Variants in PALM2AKAP2 observed in about 807,000 individuals in gnomAD.
PALM2AKAP2 encodes PALM2 and AKAP2 fusion.
Under a neutral mutation model 71.5 loss-of-function variants are expected in PALM2AKAP2, and 37 were observed. The observed-to-expected ratio is 0.52, with a 90% CI of 0.40 to 0.68. PALM2AKAP2 has a LOEUF of 0.68. Ranked by LOEUF, PALM2AKAP2 falls within the 30% of genes least tolerant of loss-of-function variation. The pLI is 0.00. For synonymous variants in PALM2AKAP2, 468 were observed against 478.8 expected (o/e 0.98, Z 0.29); for missense variants, 1,224 against 1,191.8 (o/e 1.03, Z -0.40).
intron 3 of PALM2AKAP2, among the ~76,000 whole-genome samples, chr9:109,910,983 C>G (rs1164758184): frequency 6.6e-6 from 1 of 152,132 alleles, no homozygotes; most frequent in East Asian, 1.9e-4. Context: ...TATTGACTAG[C>G]AGGAAGGAGG....
At chr9:109,755,558 G>A (rs1828946518) in intron 1 of PALM2AKAP2, among the ~76,000 whole-genome samples, 1 of 152,078 alleles carries the variant, frequency 6.6e-6, no homozygotes, top group African/African-American at 2.4e-5. Context: ...TGTAAGGTGG[G>A]AAGATCATTT....
At chr9:109,770,744 A>G (rs1274246076) in intron 1 of PALM2AKAP2, among the ~76,000 whole-genome samples, 1 of 152,230 alleles carries the variant, frequency 6.6e-6, no homozygotes. Flanking sequence ...ACTGGAACAC[A>G]GGCATGTAGA....
intron 7 of PALM2AKAP2, among the ~76,000 whole-genome samples, chr9:110,043,080 C>T (rs1029538879): frequency 1.3e-5 from 2 of 152,112 alleles, no homozygotes; most frequent in African/African-American, 4.8e-5. Flanking sequence ...TGATAACCAC[C>T]CTTCTACCCT....
rs192395196 is a variant in PALM2AKAP2 at position 110,052,361 on chromosome 9, G to A, written c.156+3506G>A. On this transcript the variant is annotated intron_variant, in intron 1 of 3. Transcript: ENST00000374525. ...GGCCTCAGGGAAGAATGTTACCATG[G>A]ACCATGATGGGAGTTAAGGTAATCC... Among the ~76,000 whole-genome samples, 267 of 152,304 alleles carry A rather than the reference G, an allele frequency of 1.8e-3. 3 individuals are homozygous for A. The highest frequency in any genetic ancestry group is 3.7e-4 in the Non-Finnish European group (25 of 68,026).
chr9:110,073,510 T>G (rs1422034331), intron 1 of PALM2AKAP2, among the ~76,000 whole-genome samples: 1 of 152,178 alleles, frequency 6.6e-6, no homozygotes, highest in Non-Finnish European at 1.5e-5. Context: ...TTATCTCAGT[T>G]AAAAGCCTTT....
chr9:109,866,363 C>G (rs982137280), intron 1 of PALM2AKAP2, among the ~76,000 whole-genome samples: 15 of 152,056 alleles, frequency 9.9e-5, no homozygotes, highest in Non-Finnish European at 1.6e-4. Flanking sequence ...TGTGAGTAAA[C>G]GAAAATGCTC....
At chr9:109,654,777 G>GTGTGTGTGTA in intron 1 of PALM2AKAP2, among the ~76,000 whole-genome samples, 1 of 151,626 alleles carries the variant, frequency 6.6e-6, no homozygotes, top group Non-Finnish European at 1.5e-5. Flanking sequence ...GTGTGTGTGT[G>GTGTGTGTGTA]TATATGTATT....
chr9:109,890,801 G>A (rs958760665), intron 3 of PALM2AKAP2, among the ~76,000 whole-genome samples: 14 of 152,152 alleles, frequency 9.2e-5, no homozygotes, highest in Non-Finnish European at 2.1e-4. Flanking sequence ...ATTCACCTGA[G>A]GCCACACGCA....
intron 6 of PALM2AKAP2, among the ~76,000 whole-genome samples, chr9:109,962,746 G>T (rs751199656): frequency 6.6e-6 from 1 of 151,754 alleles, no homozygotes; most frequent in Non-Finnish European, 1.5e-5. Flanking sequence ...GGGTTCAAGC[G>T]ATTCTCCTGC....
chr9:109,760,326 C>T (rs73531229), intron 1 of PALM2AKAP2: 161 of 152,188 alleles, frequency 1.1e-3, no homozygotes, highest in African/African-American at 3.8e-3. Context: ...GGAGGGAGAA[C>T]AGAAATTGAG....
At chr9:109,883,666 T>G (rs765336282) in intron 3 of PALM2AKAP2, among the ~76,000 whole-genome samples, 6 of 152,202 alleles carry the variant, frequency 3.9e-5, no homozygotes, top group Non-Finnish European at 8.8e-5. Flanking sequence ...CCTAAGACAT[T>G]TCTCTGTAGT....
At chr9:109,999,833 G>T (rs1832647382) in intron 6 of PALM2AKAP2, among the ~76,000 whole-genome samples, 1 of 152,146 alleles carries the variant, frequency 6.6e-6, no homozygotes, top group Admixed American at 6.5e-5. Flanking sequence ...CCACACTGGG[G>T]CTGAGCTAAG....
At chr9:110,097,328 A>C (rs1290843742) in intron 1 of PALM2AKAP2, among the ~76,000 whole-genome samples, 1 of 147,968 alleles carries the variant, frequency 6.8e-6, no homozygotes, top group Non-Finnish European at 1.5e-5. Flanking sequence ...ACAGAACAAA[A>C]TGAAAAGTCT....
chr9:110,025,414 T>C, intron 7 of PALM2AKAP2: 1 of 702,040 alleles, frequency 1.4e-6, no homozygotes, highest in East Asian at 2.6e-5. Context: ...TTTTTTTTTG[T>C]TCCTTCACAA....
intron 1 of PALM2AKAP2, among the ~76,000 whole-genome samples, chr9:109,805,169 G>T (rs1440440016): frequency 2.0e-5 from 3 of 152,130 alleles, no homozygotes; most frequent in Non-Finnish European, 4.4e-5. Context: ...TGAGACAAGG[G>T]GATAAGGGGT....
At chr9:109,738,728 C>T (rs545651684) in intron 1 of PALM2AKAP2, among the ~76,000 whole-genome samples, 1 of 152,296 alleles carries the variant, frequency 6.6e-6, no homozygotes, top group African/African-American at 2.4e-5. Context: ...AGACTCTTTA[C>T]ACCATGCCCA....
intron 1 of PALM2AKAP2, among the ~76,000 whole-genome samples, chr9:110,088,335 T>G (rs953698604): frequency 6.6e-6 from 1 of 152,148 alleles, no homozygotes; most frequent in Non-Finnish European, 1.5e-5. Flanking sequence ...TATGCAAACA[T>G]CTGATTGTGG....
At chr9:109,971,116 C>T (rs1466818342) in intron 6 of PALM2AKAP2, among the ~76,000 whole-genome samples, 1 of 151,772 alleles carries the variant, frequency 6.6e-6, no homozygotes, top group Non-Finnish European at 1.5e-5. Context: ...TAAAAGTTTC[C>T]TTAGAAAGAA....
chr9:109,756,168 G>C (rs1212935374), intron 1 of PALM2AKAP2, among the ~76,000 whole-genome samples: 1 of 152,132 alleles, frequency 6.6e-6, no homozygotes, highest in Non-Finnish European at 1.5e-5. Flanking sequence ...GATACCAACA[G>C]TATGTAAGTC....
Sources: allele counts gnomAD v4.1 joint callset (sites outside exome capture counted in the v4.1 genomes callset), GRCh38; gene constraint gnomAD v4.1.1; transcripts MANE v1.5; gene names NCBI Gene and HGNC (gene_info 2026-07-23, HGNC 2026-07-21).